The following TMEM132C variants were observed in gnomAD, a reference collection of about 807,000 sequenced individuals.
TMEM132C encodes the protein transmembrane protein 132C, also known as protein phosphatase 1, regulatory subunit 152.
In TMEM132C, 29 loss-of-function variants were observed where a neutral mutation model predicts 61.4. That is an observed-to-expected ratio of 0.47 (90% CI 0.35 to 0.64). TMEM132C has a LOEUF of 0.64. TMEM132C is among the 30% of genes least tolerant of loss of function. TMEM132C has a pLI of 0.00. For missense variants in TMEM132C, 1,408 were observed against 1,476.9 expected, an observed-to-expected ratio of 0.95 and a Z score of 0.76; for synonymous variants, 656 against 633.1, an observed-to-expected ratio of 1.04 and a Z score of -0.54.
At chr12:128,427,389 T>TGG (rs1869226335) in intron 2 of TMEM132C, among the ~76,000 whole-genome samples, 1 of 44,412 alleles carries the variant, frequency 2.3e-5, no homozygotes, top group Admixed American at 2.4e-4. Context: ...TCCAAAGGGG[T>TGG]GTGTGTGTGT....
intron 2 of TMEM132C, among the ~76,000 whole-genome samples, chr12:128,449,243 A>G (rs1870099960): frequency 6.6e-6 from 1 of 151,360 alleles, no homozygotes; most frequent in Non-Finnish European, 1.5e-5. Context: ...CTGCTCCAAG[A>G]GTTTGGAGCC....
chr12:128,525,852 CA>C (rs1433270683), intron 2 of TMEM132C, among the ~76,000 whole-genome samples: 5 of 152,164 alleles, frequency 3.3e-5, no homozygotes, highest in African/African-American at 1.2e-4. Flanking sequence ...GTGCCCCTGG[CA>C]TCAAAGAGGC....
chr12:128,599,252 C>T (rs1876083076), intron 3 of TMEM132C, among the ~76,000 whole-genome samples: 1 of 152,204 alleles, frequency 6.6e-6, no homozygotes, highest in Admixed American at 6.5e-5. Flanking sequence ...TCTCAGGTTA[C>T]CTAACTTGTC....
At chr12:128,394,108 G>A (rs1006544817) in intron 1 of TMEM132C, among the ~76,000 whole-genome samples, 17 of 152,182 alleles carry the variant, frequency 1.1e-4, no homozygotes, top group Non-Finnish European at 1.3e-4. Context: ...GGTGAAAGGC[G>A]TGTCTTACAT....
rs546118631 is a variant in TMEM132C at position 128,378,117 on chromosome 12, T to C, written c.86-36615T>C. On this transcript the variant is annotated intron_variant, in intron 1 of 8. Transcript: ENST00000435159. ...GGTGCAAAAATAGAGCAGTTTTTTT[T>C]TGTTTTTTTTTTTTTGACATGGAGT... Among the ~76,000 whole-genome samples the C allele has an allele frequency of 2.7e-3, 151 of 55,938 alleles. 1 individual carries two copies. The highest frequency in any genetic ancestry group is 6.3e-3 in the African/African-American group (140 of 22,078). 36.7% of individuals were successfully genotyped at this position (55,938 alleles called of 152,430 possible).
chr12:128,530,542 C>T (rs1873255093), intron 2 of TMEM132C, among the ~76,000 whole-genome samples: 1 of 151,994 alleles, frequency 6.6e-6, no homozygotes, highest in Admixed American at 6.6e-5. Context: ...CTACCTTGTT[C>T]AAGCGCTTCT....
chr12:128,390,596 C>T (rs1422723849), intron 1 of TMEM132C, among the ~76,000 whole-genome samples: 14 of 152,196 alleles, frequency 9.2e-5, no homozygotes, highest in Non-Finnish European at 1.8e-4. Flanking sequence ...GCACCTCCGC[C>T]TCCCTCTCCC....
At chr12:128,467,195 A>G (rs1593063773) in intron 2 of TMEM132C, among the ~76,000 whole-genome samples, 1 of 152,210 alleles carries the variant, frequency 6.6e-6, no homozygotes, top group African/African-American at 2.4e-5. Context: ...ATGTGCCATC[A>G]TCTCAGACTC....
chr12:128,550,954 C>T (rs1347574157), intron 3 of TMEM132C, among the ~76,000 whole-genome samples: 2 of 152,186 alleles, frequency 1.3e-5, no homozygotes, highest in Non-Finnish European at 2.9e-5. Flanking sequence ...CTGCAGACAA[C>T]TCTGAATTGT....
intron 3 of TMEM132C, among the ~76,000 whole-genome samples, chr12:128,601,343 C>A (rs548196630): frequency 1.3e-5 from 2 of 152,208 alleles, no homozygotes; most frequent in East Asian, 3.9e-4. Context: ...GCGCAATCAC[C>A]CAGTCATTCT....
chr12:128,418,576 G>A (rs1200181011), intron 2 of TMEM132C, among the ~76,000 whole-genome samples: 1 of 152,156 alleles, frequency 6.6e-6, no homozygotes, highest in Non-Finnish European at 1.5e-5. Flanking sequence ...TTACAGATTT[G>A]TAAGAAGTTG....
intron 1 of TMEM132C, among the ~76,000 whole-genome samples, chr12:128,354,406 T>G (rs1294465224): frequency 6.6e-6 from 1 of 151,974 alleles, no homozygotes; most frequent in Admixed American, 6.6e-5. Flanking sequence ...ATTTTTTTCT[T>G]CTTCCCTTCT....
chr12:128,363,122 C>T (rs541092365), intron 1 of TMEM132C, among the ~76,000 whole-genome samples: 4 of 152,274 alleles, frequency 2.6e-5, no homozygotes, highest in South Asian at 2.1e-4. Flanking sequence ...ACCATCACTC[C>T]GTTTTGTAGG....
Position 128,706,476 on chromosome 12 carries a change from A to C in TMEM132C, c.*181A>C. 1.3e-6 allele frequency: 1 copy of C among 778,930 alleles called. No homozygotes were observed. Among genetic ancestry groups the C allele is most frequent in the Non-Finnish European group, 1.9e-6 (1 of 535,970 alleles). 48.3% of individuals were successfully genotyped at this position (778,930 alleles called of 1,614,324 possible). On this transcript the variant is annotated 3_prime_UTR_variant, in exon 9 of 9. Coordinates refer to ENST00000435159, the MANE Select transcript of TMEM132C (RefSeq NM_001136103.3). ...TGTATCAAGGGATTTTTAGCAGTTA[A>C]TGGTGGTGGATTTTTAAAGGTCAGG...
intron 1 of TMEM132C, among the ~76,000 whole-genome samples, chr12:128,410,639 C>A (rs968098599): frequency 6.6e-6 from 1 of 152,060 alleles, no homozygotes; most frequent in African/African-American, 2.4e-5. Flanking sequence ...CTCTTGACCT[C>A]GTGATCCACC....
At chr12:128,276,152 T>C (rs766524930) in intron 1 of TMEM132C, among the ~76,000 whole-genome samples, 1 of 152,158 alleles carries the variant, frequency 6.6e-6, no homozygotes, top group Non-Finnish European at 1.5e-5. Context: ...AGGTTCTAAG[T>C]GGACATTCGC....
At chr12:128,513,662 G>C (rs937081738) in intron 2 of TMEM132C, among the ~76,000 whole-genome samples, 2 of 152,170 alleles carry the variant, frequency 1.3e-5, no homozygotes, top group African/African-American at 4.8e-5. Context: ...AGAAGAGGGG[G>C]AAAGCTGATT....
intron 4 of TMEM132C, among the ~76,000 whole-genome samples, chr12:128,623,247 A>G (rs1367784448): frequency 6.6e-6 from 1 of 152,132 alleles, no homozygotes; most frequent in Non-Finnish European, 1.5e-5. Flanking sequence ...TTTCCCTATC[A>G]GTAAAAGGAA....
At chr12:128,560,422 C>G (rs1441298787) in intron 3 of TMEM132C, among the ~76,000 whole-genome samples, 1 of 152,206 alleles carries the variant, frequency 6.6e-6, no homozygotes, top group Non-Finnish European at 1.5e-5. Context: ...TCCAGGAGAC[C>G]TGACCCTGAT....
Sources: gnomAD v4.1 joint callset for allele counts (sites outside exome capture counted in the v4.1 genomes callset) on GRCh38, gnomAD v4.1.1 for gene constraint, MANE v1.5 for transcripts, NCBI Gene and HGNC (gene_info 2026-07-23, HGNC 2026-07-21) for gene names.